The following WWOX variants were observed in gnomAD, a reference collection of about 807,000 sequenced individuals.
The protein encoded by WWOX is WW domain-containing oxidoreductase.
A neutral mutation model predicts 46.2 loss-of-function variants in WWOX; 69 were observed. The ratio of observed to expected loss-of-function variants is 1.49; its 90% confidence interval spans 1.23 to 1.82. WWOX has a LOEUF of 1.82. Among genes scored for constraint, WWOX ranks in the 40% most tolerant of loss-of-function variants. The probability of loss-of-function intolerance (pLI) is 0.00; values close to 1 mark genes in which losing one functional copy is unlikely to be tolerated. For synonymous variants in WWOX, 359 were observed against 202.6 expected (o/e 1.77, Z -6.56); for missense variants, 919 against 542.6 (o/e 1.69, Z -6.89).
In WWOX at chr16:79,211,886, C is replaced by T. The variant is rs1057262090; in HGVS notation, c.*90C>T. The stretch of plus-strand genomic sequence containing the variant: ...GGCTGGGCCCCTTCCAAATGTCCCT[C>T]CAACACAGATCCGCAAGAGTAAAGG... On this transcript the variant is annotated 3_prime_UTR_variant, in exon 9 of 9. Coordinates refer to ENST00000566780, the MANE Select transcript of WWOX (RefSeq NM_016373.4). 12 of 1,580,214 alleles carry T rather than the reference C, an allele frequency of 7.6e-6. No individual in the cohort carries two copies. The African/African-American group carries it at 1.3e-4, about 18-fold the overall frequency.
At chr16:78,784,320 T>C (rs1235569613) in intron 8 of WWOX, among the ~76,000 whole-genome samples, 2 of 152,160 alleles carry the variant, frequency 1.3e-5, no homozygotes, top group Non-Finnish European at 2.9e-5. Flanking sequence ...TGACTCCTTT[T>C]GTGACCCTGA....
At chr16:78,566,145 G>C (rs905316112) in intron 8 of WWOX, among the ~76,000 whole-genome samples, 1 of 151,972 alleles carries the variant, frequency 6.6e-6, no homozygotes, top group African/African-American at 2.4e-5. Context: ...GAGAGGAAGG[G>C]GTCTGGAACC....
chr16:78,509,432 C>T (rs1378264316), intron 8 of WWOX, among the ~76,000 whole-genome samples: 1 of 92,184 alleles, frequency 1.1e-5, no homozygotes, highest in Admixed American at 1.4e-4. Context: ...GAGCGAGACT[C>T]AGTCTCAAAA....
chr16:78,920,683 A>G (rs2045357730), intron 8 of WWOX, among the ~76,000 whole-genome samples: 1 of 152,148 alleles, frequency 6.6e-6, no homozygotes, highest in South Asian at 2.1e-4. Context: ...TGTCTTTCAG[A>G]GAAAGTAAAG....
At chr16:79,198,627 A>C (rs2051287585) in intron 8 of WWOX, among the ~76,000 whole-genome samples, 1 of 152,222 alleles carries the variant, frequency 6.6e-6, no homozygotes, top group Admixed American at 6.5e-5. Flanking sequence ...CAGGATGCTT[A>C]GTAGCAGTGG....
chr16:79,177,214 C>A (rs768948844), intron 8 of WWOX, among the ~76,000 whole-genome samples: 1 of 152,188 alleles, frequency 6.6e-6, no homozygotes, highest in African/African-American at 2.4e-5. Context: ...GCAACTGACA[C>A]ATGCTGGATC....
intron 8 of WWOX, among the ~76,000 whole-genome samples, chr16:78,579,321 T>G (rs965716427): frequency 1.3e-5 from 2 of 152,022 alleles, no homozygotes; most frequent in Non-Finnish European, 2.9e-5. Flanking sequence ...GTGAGTGATA[T>G]GGAATAAGAG....
rs2083042980 is a variant in WWOX, at chr16:78,424,993, C to G, written c.729C>G (p.Leu243=). The G allele has an allele frequency of 1.2e-6, 2 of 1,614,158 alleles. No individual in the cohort carries two copies. Among genetic ancestry groups the G allele is most frequent in the Admixed American group, 1.7e-5 (1 of 60,028 alleles). Reference sequence around the variant, plus strand: ...GGCACTTCTACCTTGTCCAGCTCCTCCAGGATGTTTTGTGCCGCTCAGCTC... The same window carrying G: ...GGCACTTCTACCTTGTCCAGCTCCTGCAGGATGTTTTGTGCCGCTCAGCTC... ...HLGHFYLVQL[L]QDVLCRSAPA... Residue 243 remains leucine, a synonymous_variant, in exon 7 of 9, where the codon CTC becomes CTG. Transcript: ENST00000566780.
At position 78,913,798 on chromosome 16, in the gene WWOX, A is replaced by G. The variant is rs138430655; in HGVS notation, c.1057-297810A>G. ...CACCGTAGCCTCCTGAATAGCTGGG[A>G]CTAAAGTGTGCACCACAATGCCCAG... On this transcript the variant is annotated intron_variant, in intron 8 of 8. Transcript: ENST00000566780. Among the ~76,000 whole-genome samples, 7 of 151,902 alleles carry G rather than the reference A, an allele frequency of 4.6e-5. No individual in the cohort carries two copies. In the East Asian group the frequency reaches 1.4e-3, roughly 30 times the overall value.
chr16:78,358,866 C>CTTTTTTTTTTTTTTTTTTTTTTTT lies in WWOX; in HGVS notation c.517-27976_517-27975insTTTTTTTTTTTTTTTTTTTTTTTT. On this transcript the variant is annotated intron_variant, in intron 5 of 8. Coordinates refer to ENST00000566780, the MANE Select transcript of WWOX (RefSeq NM_016373.4). ...CATAAAGTTGAAATCACACTGTGGT[C>CTTTTTTTTTTTTTTTTTTTTTTTT]TTTTTTTTTTTTTTTTTTAACCAGA... 1.7e-5 allele frequency among the ~76,000 whole-genome samples: 2 copies of CTTTTTTTTTTTTTTTTTTTTTTTT among 120,968 alleles called. 1 individual carries two copies. Among genetic ancestry groups the CTTTTTTTTTTTTTTTTTTTTTTTT allele is most frequent in the Non-Finnish European group, 3.3e-5 (2 of 60,080 alleles). The allele number at this position is 120,968 out of a possible 152,430, so 79.4% of individuals were successfully genotyped here.
chr16:78,667,851 C>T lies in WWOX; in HGVS notation c.1056+235099C>T, dbSNP rs576641275. On this transcript the variant is annotated intron_variant, in intron 8 of 8. Coordinates refer to ENST00000566780, the MANE Select transcript of WWOX (RefSeq NM_016373.4). ...CTATAAGGCATCAGTGGTTACCAGG[C>T]AGTGTTGCATTTTTTCCATCCCATA... Among the ~76,000 whole-genome samples the T allele has an allele frequency of 3.9e-5, 6 of 152,180 alleles. No individual in the cohort carries two copies. The East Asian group carries it at 1.2e-3, about 29-fold the overall frequency.
At chr16:79,162,638 C>G (rs977071712) in intron 8 of WWOX, among the ~76,000 whole-genome samples, 4 of 152,288 alleles carry the variant, frequency 2.6e-5, no homozygotes, top group African/African-American at 9.6e-5. Flanking sequence ...TGCCCTTGGA[C>G]CATGTCTTCT....
intron 8 of WWOX, among the ~76,000 whole-genome samples, chr16:79,172,860 G>GAAA (rs67426071): frequency 6.9e-6 from 1 of 145,446 alleles, no homozygotes. Flanking sequence ...CCTGCAAAAA[G>GAAA]AAAAAAAAAA....
intron 5 of WWOX, among the ~76,000 whole-genome samples, chr16:78,351,120 A>T (rs1567517046): frequency 6.6e-6 from 1 of 152,180 alleles, no homozygotes; most frequent in African/African-American, 2.4e-5. Flanking sequence ...TCACACCTGT[A>T]ATCATGCCCA....
chr16:78,655,896 C>T (rs1011391849), intron 8 of WWOX, among the ~76,000 whole-genome samples: 2 of 152,084 alleles, frequency 1.3e-5, no homozygotes, highest in African/African-American at 4.8e-5. Context: ...TCTCAGTACC[C>T]CAGCTCTGTA....
chr16:78,231,585 G>A (rs2037263969), intron 5 of WWOX, among the ~76,000 whole-genome samples: 2 of 152,214 alleles, frequency 1.3e-5, no homozygotes, highest in South Asian at 4.1e-4. Context: ...GTTTCTTTTT[G>A]TCTTTATGGT....
intron 8 of WWOX, among the ~76,000 whole-genome samples, chr16:79,180,139 A>G (rs28689964): frequency 0.051 from 7,764 of 152,234 alleles, 672 homozygotes; most frequent in African/African-American, 0.18. Context: ...TGGGGAATCC[A>G]GAGTCTTGGT....
rs548941606 is a variant in WWOX at position 78,555,947 on chromosome 16, G to A, written c.1056+123195G>A. Among the ~76,000 whole-genome samples, 237 of 152,122 alleles carry A rather than the reference G, an allele frequency of 1.6e-3. 1 individual carries two copies. The highest frequency in any genetic ancestry group is 5.2e-3 in the African/African-American group (215 of 41,488). On this transcript the variant is annotated intron_variant, in intron 8 of 8. Coordinates refer to ENST00000566780, the MANE Select transcript of WWOX (RefSeq NM_016373.4). ...TATTATTCTGTGATAATAATAAATC[G>A]CTGCTTATGAAATGCAAGGAATCGA...
At chr16:78,930,817 G>T (rs569937861) in intron 8 of WWOX, among the ~76,000 whole-genome samples, 39 of 152,200 alleles carry the variant, frequency 2.6e-4, no homozygotes, top group Non-Finnish European at 4.3e-4. Context: ...AGTACCCGCT[G>T]TTCATAGGTC....
Sources: gnomAD v4.1 joint callset for allele counts (sites outside exome capture counted in the v4.1 genomes callset) on GRCh38, gnomAD v4.1.1 for gene constraint, MANE v1.5 for transcripts, NCBI Gene and HGNC (gene_info 2026-07-23, HGNC 2026-07-21) for gene names.